CCDC178: variants seen among roughly 807,000 people sequenced by gnomAD.
The protein encoded by CCDC178 is coiled-coil domain containing 178, also known as coiled-coil domain-containing protein 178.
CCDC178 carries 126 observed loss-of-function variants against 117.4 expected under a neutral mutation model. That is an observed-to-expected ratio of 1.07 (90% CI 0.93 to 1.24). CCDC178 has a LOEUF of 1.24. Among genes scored for constraint, CCDC178 ranks in the 50% most tolerant of loss-of-function variants. The pLI is 0.00. For missense variants in CCDC178, 1,030 were observed against 986.9 expected, an observed-to-expected ratio of 1.04 and a Z score of -0.59; for synonymous variants, 283 against 313.4, an observed-to-expected ratio of 0.90 and a Z score of 1.02.
chr18:33,062,010 T>G (rs2144964322), intron 21 of CCDC178, among the ~76,000 whole-genome samples: 1 of 152,318 alleles, frequency 6.6e-6, no homozygotes, highest in African/African-American at 2.4e-5. Flanking sequence ...TTATTTTACT[T>G]TGTATTTTGT....
chr18:33,248,238 G>A (rs549799597), intron 14 of CCDC178, among the ~76,000 whole-genome samples: 5 of 151,646 alleles, frequency 3.3e-5, no homozygotes, highest in Admixed American at 3.3e-4. Flanking sequence ...AACTGACGTA[G>A]CTTAAGAAAA....
At chr18:32,984,721 C>G (rs547982176) in intron 21 of CCDC178, among the ~76,000 whole-genome samples, 1 of 151,974 alleles carries the variant, frequency 6.6e-6, no homozygotes, top group South Asian at 2.1e-4. Flanking sequence ...AAATTACCCT[C>G]ACAATAAAAA....
chr18:33,344,474 A>C (rs2062860254), intron 9 of CCDC178, among the ~76,000 whole-genome samples: 1 of 152,156 alleles, frequency 6.6e-6, no homozygotes, highest in Admixed American at 6.5e-5. Context: ...CACCCATAAC[A>C]AATATTTATT....
chr18:33,164,471 T>C (rs914510835), intron 20 of CCDC178, among the ~76,000 whole-genome samples: 3 of 152,084 alleles, frequency 2.0e-5, no homozygotes, highest in African/African-American at 4.8e-5. Flanking sequence ...TTTGATTGTA[T>C]AGGTTGTATC....
chr18:33,292,450 T>C (rs764258896), intron 12 of CCDC178, among the ~76,000 whole-genome samples: 70 of 151,944 alleles, frequency 4.6e-4, no homozygotes, highest in African/African-American at 1.6e-3. Context: ...TAGAGAGAGG[T>C]TGGATAAGAG....
intron 21 of CCDC178, among the ~76,000 whole-genome samples, chr18:33,079,517 G>A (rs1210178533): frequency 6.6e-6 from 1 of 152,100 alleles, no homozygotes; most frequent in Non-Finnish European, 1.5e-5. Flanking sequence ...GAAAATTTTT[G>A]CAAACTGCAC....
intron 4 of CCDC178, among the ~76,000 whole-genome samples, chr18:33,396,904 A>C (rs2063645105): frequency 6.6e-6 from 1 of 152,174 alleles, no homozygotes; most frequent in South Asian, 2.1e-4. Flanking sequence ...TTAAGTTTGT[A>C]CACTCTTCTT....
intron 11 of CCDC178, among the ~76,000 whole-genome samples, chr18:33,313,793 G>GGAA (rs1438278852): frequency 1.3e-5 from 2 of 152,086 alleles, no homozygotes; most frequent in African/African-American, 4.8e-5. Context: ...GATGCCCAGG[G>GGAA]GAAGATTGCC....
chr18:33,079,357 A>G (rs546119675), intron 21 of CCDC178, among the ~76,000 whole-genome samples: 1 of 152,312 alleles, frequency 6.6e-6, no homozygotes, highest in Admixed American at 6.5e-5. Flanking sequence ...CATTCTGGAG[A>G]TAGGAACCAG....
intron 20 of CCDC178, among the ~76,000 whole-genome samples, chr18:33,128,571 G>T (rs1296832617): frequency 6.6e-6 from 1 of 152,068 alleles, no homozygotes; most frequent in East Asian, 1.9e-4. Flanking sequence ...CAAGAATCTG[G>T]CCCTCATGCA....
At chr18:33,033,069 T>G (rs916299451) in intron 21 of CCDC178, among the ~76,000 whole-genome samples, 5 of 152,120 alleles carry the variant, frequency 3.3e-5, no homozygotes, top group African/African-American at 1.2e-4. Flanking sequence ...TGTTGCATTC[T>G]AAAGAAGTCC....
chr18:33,237,020 T>C (rs1005543990), intron 15 of CCDC178, among the ~76,000 whole-genome samples: 4 of 152,134 alleles, frequency 2.6e-5, no homozygotes, highest in African/African-American at 9.7e-5. Context: ...TGCTTCAAAT[T>C]AGAGGAACAA....
chr18:33,126,688 T>G (rs909439842), intron 20 of CCDC178, among the ~76,000 whole-genome samples: 1 of 151,748 alleles, frequency 6.6e-6, no homozygotes, highest in African/African-American at 2.4e-5. Flanking sequence ...TGAGACAGAG[T>G]CTCGCTGTTG....
At chr18:33,041,410 G>T (rs1377788362) in intron 21 of CCDC178, among the ~76,000 whole-genome samples, 1 of 150,552 alleles carries the variant, frequency 6.6e-6, no homozygotes, top group Non-Finnish European at 1.5e-5. Flanking sequence ...GTATATCAAT[G>T]AAACATTTTA....
chr18:33,025,295 T>C (rs1237815656), intron 21 of CCDC178, among the ~76,000 whole-genome samples: 2 of 152,070 alleles, frequency 1.3e-5, no homozygotes, highest in Admixed American at 1.3e-4. Context: ...ACAAAAACTA[T>C]AAAAAATTCT....
At chr18:33,261,690 T>C (rs1283472178) in intron 14 of CCDC178, among the ~76,000 whole-genome samples, 1 of 152,190 alleles carries the variant, frequency 6.6e-6, no homozygotes, top group African/African-American at 2.4e-5. Context: ...ATAGGGCTAT[T>C]TGTCCCCATA....
At chr18:33,069,673 T>G (rs1048146714) in intron 21 of CCDC178, among the ~76,000 whole-genome samples, 1 of 151,806 alleles carries the variant, frequency 6.6e-6, no homozygotes, top group Non-Finnish European at 1.5e-5. Flanking sequence ...AATAGACAAA[T>G]GAAACTATAT....
intron 14 of CCDC178, among the ~76,000 whole-genome samples, chr18:33,264,378 G>A (rs2059789045): frequency 6.6e-6 from 1 of 151,932 alleles, no homozygotes; most frequent in Non-Finnish European, 1.5e-5. Flanking sequence ...TTAGGAACAT[G>A]ACTTAGATAT....
intron 2 of CCDC178, among the ~76,000 whole-genome samples, chr18:33,416,434 A>G (rs931061374): frequency 7.1e-4 from 108 of 152,060 alleles, no homozygotes; most frequent in African/African-American, 2.3e-3. Flanking sequence ...CTCGAAAAAA[A>G]AAAAAAGAAA....
Sources: gnomAD v4.1 joint callset for allele counts (sites outside exome capture counted in the v4.1 genomes callset) on GRCh38, gnomAD v4.1.1 for gene constraint, MANE v1.5 for transcripts, NCBI Gene and HGNC (gene_info 2026-07-23, HGNC 2026-07-21) for gene names.